The following STK39 variants were observed in gnomAD, a reference collection of about 807,000 sequenced individuals.
The protein encoded by STK39 is STE20/SPS1-related proline-alanine-rich protein kinase.
A neutral mutation model predicts 77.8 loss-of-function variants in STK39; 20 were observed. The observed-to-expected ratio is 0.26, with a 90% confidence interval of 0.18 to 0.37. The LOEUF (loss-of-function observed/expected upper bound fraction) is 0.37, where lower values mean the gene tolerates loss of function less well. Among genes scored for constraint, STK39 ranks in the 10% least tolerant of loss-of-function variants. The pLI is 1.00. For synonymous variants in STK39, 246 were observed against 234.1 expected (o/e 1.05, Z -0.47); for missense variants, 479 against 656.5 (o/e 0.73, Z 2.95).
At chr2:168,183,191 C>T (rs1444215951) in intron 1 of STK39, among the ~76,000 whole-genome samples, 3 of 151,952 alleles carry the variant, frequency 2.0e-5, no homozygotes, top group Non-Finnish European at 4.4e-5. Context: ...CCCTTTCTTC[C>T]GCCCTGTGGC....
rs914627532 is a variant in STK39 at position 168,043,622 on chromosome 2, C to T, written c.1376+19878G>A. ...ATAGGTTACAACTAACTCAGAAGTACAACACAGGCACAATTTCTGACCACC... is the reference window on the plus strand; with the variant it reads ...ATAGGTTACAACTAACTCAGAAGTATAACACAGGCACAATTTCTGACCACC... On this transcript the variant is annotated intron_variant, in intron 14 of 17. Transcript: ENST00000355999. Among the ~76,000 whole-genome samples, 3 of 152,186 alleles carry T rather than the reference C, an allele frequency of 2.0e-5. No homozygotes were observed. The South Asian group carries it at 6.2e-4, about 32-fold the overall frequency.
intron 10 of STK39, among the ~76,000 whole-genome samples, chr2:168,088,065 A>AG (rs1054749061): frequency 6.6e-6 from 1 of 151,988 alleles, no homozygotes; most frequent in Non-Finnish European, 1.5e-5. Flanking sequence ...TGACCCGAGA[A>AG]AAAACCTGGA....
chr2:168,097,744 A>C (rs6737861), intron 10 of STK39, among the ~76,000 whole-genome samples: 51,366 of 151,698 alleles, frequency 0.34, 8,830 homozygotes, highest in African/African-American at 0.36. Flanking sequence ...AAAAACAAAA[A>C]AAAAAAAAAG....
intron 1 of STK39, among the ~76,000 whole-genome samples, chr2:168,226,445 T>C (rs1485255830): frequency 6.6e-6 from 1 of 152,186 alleles, no homozygotes; most frequent in African/African-American, 2.4e-5. Context: ...GATTAACCAA[T>C]TTTGTTATAT....
intron 14 of STK39, among the ~76,000 whole-genome samples, chr2:168,034,842 C>T (rs1684912295): frequency 6.6e-6 from 1 of 152,174 alleles, no homozygotes; most frequent in Non-Finnish European, 1.5e-5. Flanking sequence ...TATATAACTT[C>T]TTAGAGCACT....
At chr2:168,144,518 G>C (rs56363921) in intron 5 of STK39, among the ~76,000 whole-genome samples, 57,687 of 151,498 alleles carry the variant, frequency 0.38, 11,894 homozygotes, top group East Asian at 0.67. Context: ...GTTGCCCAAG[G>C]TGTTCTCAAA....
chr2:168,082,393 C>T lies in STK39; in HGVS notation c.1090-7162G>A, dbSNP rs115914923. 3.8e-3 allele frequency among the ~76,000 whole-genome samples: 578 copies of T among 152,270 alleles called. 2 individuals are homozygous for T. The highest frequency in any genetic ancestry group is 4.6e-3 in the Non-Finnish European group (311 of 68,036). Reference sequence around the variant, plus strand: ...CTATCTTATCCTCACACTTTAATACCGTGCAAAAATGGTATCTGTCCCTAC... The same window carrying T: ...CTATCTTATCCTCACACTTTAATACTGTGCAAAAATGGTATCTGTCCCTAC... On this transcript the variant is annotated intron_variant, in intron 10 of 17. Transcript: ENST00000355999.
At chr2:168,067,360 C>T (rs946809953) in intron 12 of STK39, among the ~76,000 whole-genome samples, 5 of 152,154 alleles carry the variant, frequency 3.3e-5, no homozygotes, top group African/African-American at 7.2e-5. Flanking sequence ...TGAGTTCACA[C>T]GAGATTTGGT....
intron 1 of STK39, among the ~76,000 whole-genome samples, chr2:168,204,928 T>C (rs193270034): frequency 6.6e-6 from 1 of 152,346 alleles, no homozygotes; most frequent in East Asian, 1.9e-4. Context: ...AATTCCTTTG[T>C]ATACTGGTGT....
At chr2:168,196,681 G>T (rs562417736) in intron 1 of STK39, among the ~76,000 whole-genome samples, 2 of 152,288 alleles carry the variant, frequency 1.3e-5, no homozygotes, top group East Asian at 3.9e-4. Flanking sequence ...TCAGATTGCA[G>T]TTAAGTGCTA....
chr2:168,008,525 C>A (rs1214964424), intron 16 of STK39, among the ~76,000 whole-genome samples: 1 of 152,098 alleles, frequency 6.6e-6, no homozygotes, highest in African/African-American at 2.4e-5. Context: ...ATTACATTTC[C>A]AAGTGAAGAC....
chr2:168,079,066 C>G (rs147577801), intron 10 of STK39, among the ~76,000 whole-genome samples: 1 of 152,320 alleles, frequency 6.6e-6, no homozygotes, highest in East Asian at 1.9e-4. Context: ...TGCTGTTTAT[C>G]ATGTACTTGA....
rs1348588784 is a variant in STK39 at position 168,240,632 on chromosome 2, T to C, written c.208+6596A>G. On this transcript the variant is annotated intron_variant, in intron 1 of 17. Coordinates refer to ENST00000355999, the MANE Select transcript of STK39 (RefSeq NM_013233.3). ...TTGAGGGCTCTAAAGATGATGAATA[T>C]AGAAGAAACAAGATTAGGACTGAGG... Among the ~76,000 whole-genome samples, 4 of 152,160 alleles carry C rather than the reference T, an allele frequency of 2.6e-5. No individual in the cohort carries two copies. In the East Asian group the frequency reaches 7.7e-4, roughly 29 times the overall value.
At chr2:168,065,645 T>C (rs1308553448) in intron 12 of STK39, among the ~76,000 whole-genome samples, 4 of 152,130 alleles carry the variant, frequency 2.6e-5, no homozygotes, top group Non-Finnish European at 5.9e-5. Flanking sequence ...CAAATAACCC[T>C]CATTATACTG....
intron 8 of STK39, among the ~76,000 whole-genome samples, chr2:168,131,644 T>C (rs1055040701): frequency 6.6e-6 from 1 of 152,230 alleles, no homozygotes; most frequent in Non-Finnish European, 1.5e-5. Flanking sequence ...ACACTGGTTA[T>C]GGGTAGGTAC....
At position 168,014,310 on chromosome 2, in the gene STK39, C is replaced by T. The variant is rs150829059; in HGVS notation, c.1430-1608G>A. On this transcript the variant is annotated intron_variant, in intron 15 of 17. Coordinates refer to ENST00000355999, the MANE Select transcript of STK39 (RefSeq NM_013233.3). ...GACCAGTCTGGGCAACATAGGGAGA[C>T]GCCATCTCTACAAAGCGTAAAAAAT... Among the ~76,000 whole-genome samples the T allele has an allele frequency of 7.7e-3, 1,168 of 152,082 alleles. 11 individuals are homozygous for T. Among genetic ancestry groups the T allele is most frequent in the African/African-American group, 0.026 (1,067 of 41,482 alleles).
intron 8 of STK39, among the ~76,000 whole-genome samples, chr2:168,132,875 T>G (rs1336297626): frequency 6.6e-6 from 1 of 152,160 alleles, no homozygotes; most frequent in African/African-American, 2.4e-5. Context: ...ACAGCTCAAT[T>G]TCATACTATA....
intron 4 of STK39, among the ~76,000 whole-genome samples, chr2:168,163,362 G>A (rs1688623573): frequency 6.6e-6 from 1 of 152,192 alleles, no homozygotes; most frequent in African/African-American, 2.4e-5. Context: ...TATAATTCAA[G>A]AGTAGTTACC....
chr2:168,245,331 TC>T (rs1025490481), intron 1 of STK39, among the ~76,000 whole-genome samples: 10 of 152,224 alleles, frequency 6.6e-5, no homozygotes, highest in Non-Finnish European at 2.9e-5. Context: ...TAGGATCCTT[TC>T]CCTATGTCTC....
Sources: gnomAD v4.1 joint callset for allele counts (sites outside exome capture counted in the v4.1 genomes callset) on GRCh38, gnomAD v4.1.1 for gene constraint, MANE v1.5 for transcripts, NCBI Gene and HGNC (gene_info 2026-07-23, HGNC 2026-07-21) for gene names.